The following TP73 variants were observed in gnomAD, a reference collection of about 807,000 sequenced individuals.
TP73 encodes the protein p53-like transcription factor.
A neutral mutation model predicts 62.5 loss-of-function variants in TP73; 25 were observed. The ratio of observed to expected loss-of-function variants is 0.40; its 90% CI spans 0.29 to 0.56. The LOEUF is 0.56. Ranked by LOEUF, TP73 falls within the 20% of genes least tolerant of loss-of-function variation. TP73 has a pLI of 0.46. For synonymous variants in TP73, 423 were observed against 377.5 expected (o/e 1.12, Z -1.40); for missense variants, 754 against 913.3 (o/e 0.83, Z 2.25).
Position 3,722,142 on chromosome 1 carries a change from C to A in TP73, c.551C>A (p.Ala184Glu). The change falls in exon 5 of 14, where the codon GCG (alanine) becomes GAG (glutamate). Residue 184 changes from alanine to glutamate, a missense_variant. Physicochemically the swap from Ala to Glu is moderately radical, Grantham distance 107 (BLOSUM62 -1). Transcript: ENST00000378295. ...AIRAMPVYKKAEHVTDVVKRC... is the reference protein window; with the variant it reads ...AIRAMPVYKKEEHVTDVVKRC... ...CGGGCCATGCCTGTTTACAAGAAAGCGGAGCACGTGACCGACGTCGTGAAA... is the reference window on the plus strand; with the variant it reads ...CGGGCCATGCCTGTTTACAAGAAAGAGGAGCACGTGACCGACGTCGTGAAA... 6.2e-7 allele frequency: 1 copy of A among 1,612,776 alleles called. No homozygotes were observed. The highest frequency in any genetic ancestry group is 2.2e-5 in the East Asian group (1 of 44,878).
In TP73 at chr1:3,696,439, T is replaced by A. The variant is rs942220846; in HGVS notation, c.187-11110T>A. Among the ~76,000 whole-genome samples, 3 of 148,194 alleles carry A rather than the reference T, an allele frequency of 2.0e-5. No individual in the cohort carries two copies. Among genetic ancestry groups the A allele is most frequent in the Non-Finnish European group, 4.5e-5 (3 of 66,994 alleles). ...GGCTGTGGAGACGACCTCTAGGGAG[T>A]CCTGCACATGGGCACTTACAGTCAG... On this transcript the variant is annotated intron_variant, in intron 3 of 13. Coordinates refer to ENST00000378295, the MANE Select transcript of TP73 (RefSeq NM_005427.4). The surrounding 1 kb of genome is among the most constrained non-coding windows in gnomAD (Gnocchi z 4.1).
At chr1:3,695,228 A>G (rs1638527856) in intron 3 of TP73, among the ~76,000 whole-genome samples, 2 of 152,232 alleles carry the variant, frequency 1.3e-5, no homozygotes, top group African/African-American at 4.8e-5. Flanking sequence ...TGAGCGCTGG[A>G]GACGTCGGAG....
chr1:3,707,756 C>T lies in TP73; in HGVS notation c.394C>T (p.Gln132Ter), dbSNP rs775630831. Residue 132 changes from glutamine to a stop codon, truncating the protein, a stop_gained, in exon 4 of 14, where the codon CAG (glutamine) becomes TAG (stop). Coordinates refer to ENST00000378295, the MANE Select transcript of TP73 (RefSeq NM_005427.4). LOFTEE classifies it high-confidence loss of function. ...ACCCCACCACTTTGAGGTCACTTTCCAGCAGTCCAGCACGGCCAAGTCAGC... is the reference window on the plus strand; with the variant it reads ...ACCCCACCACTTTGAGGTCACTTTCTAGCAGTCCAGCACGGCCAAGTCAGC... ...PGPHHFEVTF[Q>*]QSSTAKSATW... 1 of 1,613,094 alleles carries T rather than the reference C, an allele frequency of 6.2e-7. No homozygotes were observed. Among genetic ancestry groups the T allele is most frequent in the Non-Finnish European group, 8.5e-7 (1 of 1,179,946 alleles).
intron 6 of TP73, among the ~76,000 whole-genome samples, chr1:3,724,367 C>A (rs979838219): frequency 5.9e-5 from 9 of 152,114 alleles, no homozygotes; most frequent in African/African-American, 1.9e-4. Context: ...ACCAGGTCCC[C>A]ATCCCTGTAC....
At chr1:3,676,896 G>A (rs1213357687) in intron 1 of TP73, among the ~76,000 whole-genome samples, 1 of 151,474 alleles carries the variant, frequency 6.6e-6, no homozygotes, top group Non-Finnish European at 1.5e-5. Context: ...AGCAACGTAG[G>A]GTGCTAAGCA....
intron 1 of TP73, among the ~76,000 whole-genome samples, chr1:3,664,499 C>T (rs900464618): frequency 1.3e-5 from 2 of 152,186 alleles, no homozygotes; most frequent in East Asian, 1.9e-4. Flanking sequence ...AGCTCCTGCT[C>T]GCCCGTACTG....
At chr1:3,703,841 C>T (rs958532012) in intron 3 of TP73, among the ~76,000 whole-genome samples, 12 of 152,166 alleles carry the variant, frequency 7.9e-5, no homozygotes, top group Admixed American at 6.5e-5. Context: ...TGTTCTTGCC[C>T]GGGGGACTCA....
intron 1 of TP73, among the ~76,000 whole-genome samples, chr1:3,671,227 G>A (rs995243086): frequency 6.6e-6 from 1 of 152,182 alleles, no homozygotes. Flanking sequence ...CTGGAGAGGC[G>A]TGGGGTGTGG....
In TP73 at chr1:3,683,139, A is replaced by G; in HGVS notation, c.145A>G (p.Met49Val). ...NEVVGGTDSS[M>V]DVFHLEGMTT... ...GGTGGTGGGCGGAACGGATTCCAGC[A>G]TGGACGTCTTCCACCTGGAGGGCAT... is the stretch of plus-strand genomic sequence containing the variant. Residue 49 changes from methionine to valine, a missense_variant, in exon 3 of 14, where the codon ATG (methionine) becomes GTG (valine). By Grantham distance (21) the Met-to-Val change is conservative. This residue lies in a region of TP73 where 235 missense variants were observed against 251.4 expected (regional missense o/e 0.93). Transcript: ENST00000378295. The G allele has an allele frequency of 1.2e-6, 2 of 1,612,602 alleles. No homozygotes were observed. Among genetic ancestry groups the G allele is most frequent in the Non-Finnish European group, 1.7e-6 (2 of 1,179,018 alleles).
rs904179741 is a variant in TP73, at chr1:3,672,311, A to G, written c.-33-10022A>G. Among the ~76,000 whole-genome samples, 1 of 152,082 alleles carries G rather than the reference A, an allele frequency of 6.6e-6. No individual in the cohort carries two copies. The highest frequency in any genetic ancestry group is 1.5e-5 in the Non-Finnish European group (1 of 68,002). ...GGGGAAAGAAAGAAGATTCTGGAGGACAGCACAGGCACTTCCAACATGGGC... is the reference window on the plus strand; with the variant it reads ...GGGGAAAGAAAGAAGATTCTGGAGGGCAGCACAGGCACTTCCAACATGGGC... On this transcript the variant is annotated intron_variant, in intron 1 of 13. Coordinates refer to ENST00000378295, the MANE Select transcript of TP73 (RefSeq NM_005427.4). The surrounding 1 kb of genome is among the most constrained non-coding windows in gnomAD (Gnocchi z 5.3).
chr1:3,677,572 C>A (rs1645401183), intron 1 of TP73, among the ~76,000 whole-genome samples: 1 of 152,140 alleles, frequency 6.6e-6, no homozygotes, highest in South Asian at 2.1e-4. Flanking sequence ...AGCAGCTCCC[C>A]AATGACCACC....
At position 3,688,512 on chromosome 1, in the gene TP73, G is replaced by A. The variant is rs533525980; in HGVS notation, c.186+5332G>A. Reference sequence around the variant, plus strand: ...CCTGTCCTGCGGCCCAGGGTCCTGCGGAAAGTCAGGCGGAATCCCCGGTGA... The same window carrying A: ...CCTGTCCTGCGGCCCAGGGTCCTGCAGAAAGTCAGGCGGAATCCCCGGTGA... On this transcript the variant is annotated intron_variant, in intron 3 of 13. Coordinates refer to ENST00000378295, the MANE Select transcript of TP73 (RefSeq NM_005427.4). 1.1e-3 allele frequency among the ~76,000 whole-genome samples: 172 copies of A among 152,258 alleles called. 2 individuals are homozygous for A. Among genetic ancestry groups the A allele is most frequent in the African/African-American group, 3.4e-3 (142 of 41,552 alleles).
chr1:3,719,759 A>G (rs1640902589), intron 4 of TP73, among the ~76,000 whole-genome samples: 2 of 152,052 alleles, frequency 1.3e-5, no homozygotes, highest in Admixed American at 1.3e-4. Flanking sequence ...AGCCAGACTG[A>G]CCCCACAACA....
intron 6 of TP73, 51 bp downstream of exon 6, chr1:3,723,520 T>TGGGGGGGGG: frequency 3.4e-6 from 2 of 588,144 alleles, no homozygotes; most frequent in South Asian, 1.9e-5. Context: ...GCTGTACGGG[T>TGGGGGGGGG]CGGGGGAGGG....
At chr1:3,729,281 T>G in intron 9 of TP73, 46 bp from the exon 10 acceptor site, 1 of 1,610,484 alleles carries the variant, frequency 6.2e-7, no homozygotes, top group Non-Finnish European at 8.5e-7. Context: ...CCCCCTCCCG[T>G]GGGGGTCTGG....
At chr1:3,673,377 A>T (rs1402465518) in intron 1 of TP73, among the ~76,000 whole-genome samples, 1 of 152,136 alleles carries the variant, frequency 6.6e-6, no homozygotes, top group Non-Finnish European at 1.5e-5. Context: ...CCACCACCTG[A>T]TACTAAATAA....
intron 3 of TP73, among the ~76,000 whole-genome samples, chr1:3,685,146 A>G (rs954424742): frequency 6.6e-6 from 1 of 152,198 alleles, no homozygotes; most frequent in African/African-American, 2.4e-5. Context: ...TGCAGAGGGC[A>G]GAAGGCCCCT....
intron 5 of TP73, 78 bp from the exon 6 acceptor site, chr1:3,723,276 G>A: frequency 8.3e-7 from 1 of 1,206,448 alleles, no homozygotes; most frequent in Non-Finnish European, 1.2e-6. Flanking sequence ...CCCGGCACAG[G>A]GCTGGGCACC....
intron 2 of TP73, 31 bp downstream of exon 2, chr1:3,682,461 GC>G (rs34293310): frequency 1.2e-5 from 18 of 1,456,436 alleles, no homozygotes; most frequent in South Asian, 6.7e-5. Flanking sequence ...AGAGCTGGGG[GC>G]CCCCCTGGGA....
Sources: gnomAD v4.1 joint callset for allele counts (sites outside exome capture counted in the v4.1 genomes callset) on GRCh38, gnomAD v4.1.1 for gene constraint, gnomAD v4.1.1 regional missense constraint, Gnocchi (gnomAD v3.1) non-coding constraint, MANE v1.5 for transcripts, NCBI Gene and HGNC (gene_info 2026-07-23, HGNC 2026-07-21) for gene names.